Variants in SLC10A7 observed in about 807,000 individuals in gnomAD.
The protein encoded by SLC10A7 is solute carrier family 10 member 7.
In SLC10A7, 29 loss-of-function variants were observed where a neutral mutation model predicts 43.2. The observed-to-expected ratio is 0.67, with a 90% CI of 0.50 to 0.92. The LOEUF (loss-of-function observed/expected upper bound fraction) is 0.92, where lower values mean the gene tolerates loss of function less well. Ranked by LOEUF, SLC10A7 falls within the 40% of genes least tolerant of loss-of-function variation. The pLI is 0.00. For missense variants in SLC10A7, 295 were observed against 403.2 expected (o/e 0.73, Z 2.30); for synonymous variants, 152 against 144.8 (o/e 1.05, Z -0.35).
chr4:146,308,440 C>T (rs533950162), intron 6 of SLC10A7, among the ~76,000 whole-genome samples: 70 of 152,204 alleles, frequency 4.6e-4, no homozygotes, highest in South Asian at 3.5e-3. Context: ...TCTGGCACAG[C>T]GCAGCCTGTG....
chr4:146,268,710 G>C (rs911925858), intron 10 of SLC10A7, among the ~76,000 whole-genome samples: 2 of 152,174 alleles, frequency 1.3e-5, no homozygotes, highest in African/African-American at 4.8e-5. Flanking sequence ...AATTGAGGCA[G>C]CAGGTAAATA....
chr4:146,442,068 A>G (rs1391210743), intron 5 of SLC10A7: 2 of 979,042 alleles, frequency 2.0e-6, no homozygotes, highest in Non-Finnish European at 2.4e-6. Flanking sequence ...GAATTTAACA[A>G]AGTTTTAAGG....
intron 5 of SLC10A7, among the ~76,000 whole-genome samples, chr4:146,416,343 T>C (rs961827539): frequency 4.6e-5 from 7 of 152,102 alleles, no homozygotes; most frequent in African/African-American, 1.7e-4. Context: ...TTCAAAAGAC[T>C]GGAGAGTATA....
intron 4 of SLC10A7, among the ~76,000 whole-genome samples, chr4:146,448,256 A>T (rs1356059726): frequency 6.6e-6 from 1 of 151,978 alleles, no homozygotes; most frequent in East Asian, 1.9e-4. Context: ...TTTAAAAAAA[A>T]CTTAAAAAAA....
At chr4:146,381,843 C>A (rs1280346395) in intron 5 of SLC10A7, among the ~76,000 whole-genome samples, 1 of 152,046 alleles carries the variant, frequency 6.6e-6, no homozygotes, top group Non-Finnish European at 1.5e-5. Flanking sequence ...GCATTTATAC[C>A]TTTTTCTATG....
chr4:146,364,920 A>C (rs1736290897), intron 5 of SLC10A7, among the ~76,000 whole-genome samples: 1 of 152,108 alleles, frequency 6.6e-6, no homozygotes, highest in African/African-American at 2.4e-5. Context: ...CTACATATCT[A>C]TAAAAGTTAA....
At chr4:146,307,293 C>T (rs1217341612) in intron 6 of SLC10A7, among the ~76,000 whole-genome samples, 1 of 152,116 alleles carries the variant, frequency 6.6e-6, no homozygotes, top group Non-Finnish European at 1.5e-5. Context: ...CTATTTAACC[C>T]ATAAAAATTG....
At position 146,374,711 on chromosome 4, in the gene SLC10A7, C is replaced by T. The variant is rs141778431; in HGVS notation, c.436-48715G>A. 3.1e-4 allele frequency among the ~76,000 whole-genome samples: 46 copies of T among 150,048 alleles called. No individual in the cohort carries two copies. The East Asian group carries it at 8.1e-3, about 26-fold the overall frequency. On this transcript the variant is annotated intron_variant, in intron 5 of 11. Coordinates refer to ENST00000335472, the MANE Select transcript of SLC10A7 (RefSeq NM_001029998.6). ...ACCACTATGGAAAGTAAGGGTTATT[C>T]GTTTAGATTCCTAAAGAAACTGTGC...
At chr4:146,490,711 T>G (rs558066211) in intron 4 of SLC10A7, among the ~76,000 whole-genome samples, 1 of 152,306 alleles carries the variant, frequency 6.6e-6, no homozygotes, top group Non-Finnish European at 1.5e-5. Flanking sequence ...GGAACTAAAA[T>G]GGACTTGCAT....
intron 10 of SLC10A7, among the ~76,000 whole-genome samples, 188 bp downstream of exon 10, chr4:146,283,004 C>T (rs1332568001): frequency 3.3e-5 from 5 of 152,140 alleles, no homozygotes; most frequent in Non-Finnish European, 7.4e-5. Context: ...TTTTGGCCCA[C>T]AGAGATTTGT....
intron 6 of SLC10A7, 96 bp from the exon 7 acceptor site, chr4:146,306,105 A>G (rs1397763533): frequency 1.0e-6 from 1 of 991,950 alleles, no homozygotes; most frequent in African/African-American, 1.7e-5. Context: ...TCTCAGGCGC[A>G]CCAAAAATTT....
intron 7 of SLC10A7, among the ~76,000 whole-genome samples, chr4:146,300,191 A>G (rs1731068182): frequency 6.6e-6 from 1 of 152,186 alleles, no homozygotes; most frequent in South Asian, 2.1e-4. Context: ...CTGAAGAATT[A>G]CTGAATAGAG....
At chr4:146,325,347 C>T (rs1733028560) in intron 6 of SLC10A7, among the ~76,000 whole-genome samples, 1 of 152,098 alleles carries the variant, frequency 6.6e-6, no homozygotes, top group Admixed American at 6.5e-5. Flanking sequence ...ATGCTTAGTG[C>T]CAAAAGAAAT....
At chr4:146,521,181 G>A (rs1473447415) in intron 1 of SLC10A7, among the ~76,000 whole-genome samples, 1 of 151,940 alleles carries the variant, frequency 6.6e-6, no homozygotes, top group Non-Finnish European at 1.5e-5. Context: ...TGGGGGCGGA[G>A]GTGTCCCTTT....
chr4:146,500,479 T>G (rs2150024799), intron 4 of SLC10A7, among the ~76,000 whole-genome samples: 1 of 152,188 alleles, frequency 6.6e-6, no homozygotes, highest in East Asian at 1.9e-4. Context: ...CACATCCATA[T>G]CCACACACTC....
intron 5 of SLC10A7, among the ~76,000 whole-genome samples, chr4:146,372,533 A>G (rs1455214180): frequency 1.3e-5 from 2 of 152,066 alleles, no homozygotes; most frequent in African/African-American, 4.8e-5. Context: ...TAGCCTTCTC[A>G]GAAGTCAGGT....
At chr4:146,487,773 T>C (rs1020343996) in intron 4 of SLC10A7, among the ~76,000 whole-genome samples, 3 of 152,158 alleles carry the variant, frequency 2.0e-5, no homozygotes, top group Non-Finnish European at 4.4e-5. Context: ...AGGCCAGATA[T>C]GGTAGCTCAC....
intron 7 of SLC10A7, among the ~76,000 whole-genome samples, chr4:146,298,802 C>G (rs1330128192): frequency 6.6e-6 from 1 of 152,146 alleles, no homozygotes; most frequent in East Asian, 1.9e-4. Context: ...AAAGACTAAT[C>G]TTATCTCACA....
intron 5 of SLC10A7, among the ~76,000 whole-genome samples, chr4:146,433,911 G>T (rs1018849486): frequency 3.3e-5 from 5 of 152,048 alleles, no homozygotes; most frequent in African/African-American, 4.8e-5. Flanking sequence ...GCAATATCAA[G>T]AATATTTTAA....
Sources: allele counts gnomAD v4.1 joint callset (sites outside exome capture counted in the v4.1 genomes callset), GRCh38; gene constraint gnomAD v4.1.1; transcripts MANE v1.5; gene names NCBI Gene and HGNC (gene_info 2026-07-23, HGNC 2026-07-21).